The following TCERG1L variants were observed in gnomAD, a reference collection of about 807,000 sequenced individuals.
TCERG1L encodes the protein transcription elongation regulator 1 like, also known as transcription elongation regulator 1-like protein.
In TCERG1L, 37 loss-of-function variants were observed where a neutral mutation model predicts 56.3. The ratio of observed to expected loss-of-function variants is 0.66; its 90% CI spans 0.51 to 0.87. The LOEUF is 0.87. Ranked by LOEUF, TCERG1L falls within the 40% of genes least tolerant of loss-of-function variation. The pLI, the probability that TCERG1L is intolerant of heterozygous loss-of-function variation, is 0.00. For synonymous variants in TCERG1L, 324 were observed against 326.3 expected (o/e 0.99, Z 0.08); for missense variants, 799 against 774.2 (o/e 1.03, Z -0.38).
At chr10:131,148,679 G>GAGAAAGGAATCACGGGCTGC (rs1845829886) in intron 6 of TCERG1L, among the ~76,000 whole-genome samples, 1 of 152,152 alleles carries the variant, frequency 6.6e-6, no homozygotes, top group South Asian at 2.1e-4. Context: ...CTTGAGGCTG[G>GAGAAAGGAATCACGGGCTGC]AGAAAGGAAT....
rs145744186 is a variant in TCERG1L, at chr10:131,157,901, T to A, written c.1034+5221A>T. 2.7e-3 allele frequency among the ~76,000 whole-genome samples: 416 copies of A among 152,388 alleles called. 1 individual carries two copies. The highest frequency in any genetic ancestry group is 9.4e-3 in the African/African-American group (391 of 41,596). On this transcript the variant is annotated intron_variant, in intron 6 of 11. Coordinates refer to ENST00000368642, the MANE Select transcript of TCERG1L (RefSeq NM_174937.4). ...CAGATAGCAGAGTTGGCTACAGAAG[T>A]TACTCTGAACTTCGACACCATTTTC...
At chr10:131,259,890 G>A (rs935384503) in intron 4 of TCERG1L, among the ~76,000 whole-genome samples, 7 of 152,336 alleles carry the variant, frequency 4.6e-5, no homozygotes, top group South Asian at 2.1e-4. Context: ...ACTCCAGCAC[G>A]CCAGCCTGCA....
chr10:131,226,213 A>G (rs1456257651), intron 4 of TCERG1L, among the ~76,000 whole-genome samples: 6 of 151,676 alleles, frequency 4.0e-5, no homozygotes, highest in African/African-American at 1.5e-4. Context: ...AGTGCTGGGA[A>G]TACAGGTGTG....
intron 4 of TCERG1L, among the ~76,000 whole-genome samples, chr10:131,223,810 G>GC (rs1193719056): frequency 6.6e-6 from 1 of 151,888 alleles, no homozygotes; most frequent in Non-Finnish European, 1.5e-5. Flanking sequence ...TTGGCAAGCA[G>GC]CCCCCCACGC....
intron 3 of TCERG1L, among the ~76,000 whole-genome samples, chr10:131,289,901 GGTGT>G (rs543466766): frequency 3.8e-4 from 2 of 5,248 alleles, no homozygotes; most frequent in African/African-American, 8.0e-4. Context: ...ATCTCCTATC[GGTGT>G]GTGTGTGTAT....
chr10:131,196,791 T>C (rs1351765580), intron 4 of TCERG1L, among the ~76,000 whole-genome samples: 1 of 152,242 alleles, frequency 6.6e-6, no homozygotes, highest in Non-Finnish European at 1.5e-5. Context: ...AAAAGTAGCA[T>C]TGACCTCTGC....
chr10:131,311,597 C>T lies in TCERG1L; in HGVS notation c.39G>A (p.Gln13=). ...GCCGCCGGGGCTGCTGCTGCTGCAG[C>T]TGCCGCCGCCGCCGCTGGAACCTGG... ...AGARFQRRRR[Q]LQQQQPRRRQ... The change falls in exon 1 of 12, where the codon CAG becomes CAA. Residue 13 remains glutamine, a synonymous_variant. Coordinates refer to ENST00000368642, the MANE Select transcript of TCERG1L (RefSeq NM_174937.4). This position sits in a 1 kb window ranked among gnomAD's most constrained non-coding sequence, Gnocchi z 4.0. 2 of 1,148,850 alleles carry T rather than the reference C, an allele frequency of 1.7e-6. No homozygotes were observed. The highest frequency in any genetic ancestry group is 2.1e-6 in the Non-Finnish European group (2 of 935,604). 71.2% of individuals were successfully genotyped at this position (1,148,850 alleles called of 1,614,324 possible). A position where few individuals can be genotyped will look rare whatever the true frequency, so the allele number is the denominator to read the frequency against.
intron 4 of TCERG1L, among the ~76,000 whole-genome samples, chr10:131,207,743 T>A (rs1006776581): frequency 6.6e-6 from 1 of 152,130 alleles, no homozygotes; most frequent in Admixed American, 6.5e-5. Flanking sequence ...CGACCTCAGA[T>A]GCGCCAGGCC....
At chr10:131,188,556 C>G (rs1461942454) in intron 4 of TCERG1L, among the ~76,000 whole-genome samples, 1 of 152,140 alleles carries the variant, frequency 6.6e-6, no homozygotes, top group Non-Finnish European at 1.5e-5. Context: ...TCCATTACTC[C>G]TACATTCAAT....
chr10:131,289,536 T>TGTGTGTGA (rs1564834775), intron 3 of TCERG1L, among the ~76,000 whole-genome samples: 1 of 107,174 alleles, frequency 9.3e-6, no homozygotes, highest in African/African-American at 3.3e-5. Context: ...CTCCTATCGG[T>TGTGTGTGA]GTGTATGTGT....
At chr10:131,099,337 C>T (rs931737533) in intron 10 of TCERG1L, among the ~76,000 whole-genome samples, 2 of 152,160 alleles carry the variant, frequency 1.3e-5, no homozygotes, top group Non-Finnish European at 2.9e-5. Flanking sequence ...TTCTAACCAG[C>T]GAAAAATGGT....
intron 3 of TCERG1L, among the ~76,000 whole-genome samples, chr10:131,292,742 T>G (rs1298085245): frequency 6.6e-6 from 1 of 152,160 alleles, no homozygotes; most frequent in African/African-American, 2.4e-5. Context: ...TTTATCTAAT[T>G]ACTTAAAAAT....
chr10:131,261,488 C>T (rs759964808), intron 3 of TCERG1L, among the ~76,000 whole-genome samples: 4 of 152,166 alleles, frequency 2.6e-5, no homozygotes, highest in Non-Finnish European at 5.9e-5. Context: ...AAGGATGGTG[C>T]GCTGTGCACA....
intron 6 of TCERG1L, among the ~76,000 whole-genome samples, chr10:131,147,523 C>T (rs1845812118): frequency 6.6e-6 from 1 of 152,184 alleles, no homozygotes; most frequent in Admixed American, 6.5e-5. Context: ...ACCCCTAAGT[C>T]GTGTCAGGGT....
intron 3 of TCERG1L, among the ~76,000 whole-genome samples, chr10:131,279,373 G>C (rs1846428618): frequency 6.6e-6 from 1 of 152,198 alleles, no homozygotes; most frequent in African/African-American, 2.4e-5. Context: ...GCAATTGACA[G>C]TAAGCAATGC....
intron 9 of TCERG1L, among the ~76,000 whole-genome samples, chr10:131,109,632 G>A (rs538967454): frequency 1.3e-4 from 20 of 152,288 alleles, no homozygotes; most frequent in Non-Finnish European, 2.2e-4. Flanking sequence ...TCATCTGATC[G>A]CTGTTTCAGG....
chr10:131,215,449 G>A (rs990352004), intron 4 of TCERG1L, among the ~76,000 whole-genome samples: 12 of 152,168 alleles, frequency 7.9e-5, no homozygotes, highest in South Asian at 4.1e-4. Context: ...TGGAATCCAC[G>A]TAATTGGTAA....
intron 3 of TCERG1L, among the ~76,000 whole-genome samples, chr10:131,286,117 C>T (rs773219333): frequency 2.0e-5 from 3 of 152,170 alleles, no homozygotes; most frequent in African/African-American, 4.8e-5. Context: ...AACATTAACA[C>T]GTCCGTGGCT....
chr10:131,097,146 A>G (rs925736251), intron 11 of TCERG1L, among the ~76,000 whole-genome samples: 1 of 148,970 alleles, frequency 6.7e-6, no homozygotes, highest in African/African-American at 2.5e-5. Context: ...GGTTACAGTG[A>G]ACCAAGATCG....
Sources: allele counts gnomAD v4.1 joint callset (sites outside exome capture counted in the v4.1 genomes callset), GRCh38; gene constraint gnomAD v4.1.1; non-coding constraint Gnocchi (gnomAD v3.1); transcripts MANE v1.5; gene names NCBI Gene and HGNC (gene_info 2026-07-23, HGNC 2026-07-21).